SLC39A11: variants seen among roughly 807,000 people sequenced by gnomAD.
The protein encoded by SLC39A11 is zinc transporter ZIP11.
Under a neutral mutation model 36.1 loss-of-function variants are expected in SLC39A11, and 33 were observed. The observed-to-expected ratio is 0.91, with a 90% CI of 0.69 to 1.22. The LOEUF (loss-of-function observed/expected upper bound fraction) is 1.22. Among genes scored for constraint, SLC39A11 ranks in the 50% most tolerant of loss-of-function variants. SLC39A11 has a pLI of 0.00. For synonymous variants in SLC39A11, 166 were observed against 170.3 expected, an observed-to-expected ratio of 0.97 and a Z score of 0.20; for missense variants, 432 against 430.3, an observed-to-expected ratio of 1.00 and a Z score of -0.03.
At chr17:72,804,249 C>T (rs1169951767) in intron 6 of SLC39A11, among the ~76,000 whole-genome samples, 4 of 152,252 alleles carry the variant, frequency 2.6e-5, no homozygotes, top group East Asian at 1.9e-4. Context: ...TCCAAGTCCC[C>T]ATTTGAATGC....
intron 4 of SLC39A11, among the ~76,000 whole-genome samples, chr17:72,980,775 G>A (rs1317316427): frequency 6.6e-6 from 1 of 152,032 alleles, no homozygotes; most frequent in African/African-American, 2.4e-5. Context: ...CTGTAATCCC[G>A]ACACTTTGGG....
At chr17:72,863,895 C>T (rs1367865612) in intron 5 of SLC39A11, among the ~76,000 whole-genome samples, 1 of 152,228 alleles carries the variant, frequency 6.6e-6, no homozygotes, top group Non-Finnish European at 1.5e-5. Flanking sequence ...CCTTTCCATT[C>T]ACGTCACCAA....
intron 6 of SLC39A11, among the ~76,000 whole-genome samples, chr17:72,848,322 C>G (rs2079142527): frequency 6.6e-6 from 1 of 152,196 alleles, no homozygotes; most frequent in African/African-American, 2.4e-5. Context: ...ATATCTTTAT[C>G]ATTTCCTATG....
intron 3 of SLC39A11, among the ~76,000 whole-genome samples, chr17:73,066,625 A>C (rs1176247545): frequency 1.3e-5 from 2 of 152,208 alleles, no homozygotes; most frequent in Non-Finnish European, 2.9e-5. Flanking sequence ...TCCCCTGGCA[A>C]CATACATTAG....
chr17:73,052,305 G>C (rs146774359), intron 3 of SLC39A11, among the ~76,000 whole-genome samples: 114 of 151,722 alleles, frequency 7.5e-4, no homozygotes, highest in African/African-American at 2.6e-3. Flanking sequence ...ATAAAGACAG[G>C]ATGCTAGAGG....
At chr17:73,007,487 G>C (rs1420678947) in intron 4 of SLC39A11, among the ~76,000 whole-genome samples, 1 of 152,210 alleles carries the variant, frequency 6.6e-6, no homozygotes, top group Non-Finnish European at 1.5e-5. Flanking sequence ...ATGGACTAAT[G>C]ACAATGGCCA....
intron 7 of SLC39A11, among the ~76,000 whole-genome samples, chr17:72,734,709 T>G (rs2074352569): frequency 6.6e-6 from 1 of 152,218 alleles, no homozygotes. Context: ...GACATGATGA[T>G]GTCGCGGGGG....
At chr17:72,932,252 G>A (rs1259852271) in intron 5 of SLC39A11, among the ~76,000 whole-genome samples, 1 of 148,466 alleles carries the variant, frequency 6.7e-6, no homozygotes, top group Non-Finnish European at 1.5e-5. Context: ...TTTCTTTAGG[G>A]ATTTATCTTT....
At chr17:72,786,792 C>T (rs1178643088) in intron 6 of SLC39A11, among the ~76,000 whole-genome samples, 3 of 152,104 alleles carry the variant, frequency 2.0e-5, no homozygotes, top group Non-Finnish European at 4.4e-5. Context: ...TAGAGGCAGA[C>T]TCTAGGCAGA....
At chr17:72,783,514 T>G (rs997669700) in intron 6 of SLC39A11, among the ~76,000 whole-genome samples, 6 of 152,224 alleles carry the variant, frequency 3.9e-5, no homozygotes, top group Non-Finnish European at 7.3e-5. Flanking sequence ...TTGGAGCCTG[T>G]AGAACATTCA....
chr17:72,748,129 C>A (rs2075015644), intron 6 of SLC39A11, among the ~76,000 whole-genome samples: 1 of 152,144 alleles, frequency 6.6e-6, no homozygotes, highest in Non-Finnish European at 1.5e-5. Flanking sequence ...CAAGACTAGC[C>A]TGGCCAACAT....
chr17:73,025,669 C>T (rs981257249), intron 4 of SLC39A11, among the ~76,000 whole-genome samples: 1 of 152,020 alleles, frequency 6.6e-6, no homozygotes, highest in African/African-American at 2.4e-5. Context: ...AAAAGAAGAT[C>T]GAAATAGAGT....
At chr17:72,716,507 A>C (rs2073369566) in intron 7 of SLC39A11, among the ~76,000 whole-genome samples, 1 of 151,904 alleles carries the variant, frequency 6.6e-6, no homozygotes, top group Non-Finnish European at 1.5e-5. Flanking sequence ...GGCCACAGAA[A>C]AAGGGAGGGA....
chr17:72,792,289 C>T (rs1054571889), intron 6 of SLC39A11, among the ~76,000 whole-genome samples: 1 of 152,146 alleles, frequency 6.6e-6, no homozygotes, highest in Non-Finnish European at 1.5e-5. Flanking sequence ...TGAGGTGACC[C>T]TTAGTTCCCG....
Position 73,004,118 on chromosome 17 carries a change from GAA to G in SLC39A11, c.306+27436_306+27437del, listed in dbSNP as rs898610358. Reference sequence around the variant, plus strand: ...AGGAAGAAAGAAAGAGAGAGAGAGAGAAAGAAAGAAAGGAAAGAAAGGAAGAA... The same window carrying G: ...AGGAAGAAAGAAAGAGAGAGAGAGAGAGAAAGAAAGGAAAGAAAGGAAGAA... On this transcript the variant is annotated intron_variant, in intron 4 of 9. Transcript: ENST00000255559. 6.0e-4 allele frequency among the ~76,000 whole-genome samples: 85 copies of G among 141,894 alleles called. 1 individual carries two copies. Among genetic ancestry groups the G allele is most frequent in the South Asian group, 1.1e-3 (5 of 4,440 alleles). The allele number at this position is 141,894 out of a possible 152,430, so 93.1% of individuals were successfully genotyped here.
chr17:72,658,214 C>T (rs536433854), intron 7 of SLC39A11, among the ~76,000 whole-genome samples: 1 of 152,188 alleles, frequency 6.6e-6, no homozygotes, highest in African/African-American at 2.4e-5. Context: ...GGAGTGTAGG[C>T]GGGGGAAAGG....
chr17:73,076,479 T>C (rs1036487485), intron 3 of SLC39A11, among the ~76,000 whole-genome samples: 1 of 152,258 alleles, frequency 6.6e-6, no homozygotes, highest in African/African-American at 2.4e-5. Flanking sequence ...TGTATTGCAA[T>C]GTACGCACAA....
chr17:72,654,474 CAT>C (rs2070013340), intron 7 of SLC39A11, among the ~76,000 whole-genome samples: 1 of 152,158 alleles, frequency 6.6e-6, no homozygotes, highest in Non-Finnish European at 1.5e-5. Context: ...GAGTTGGAGA[CAT>C]GTGAATATAT....
intron 4 of SLC39A11, among the ~76,000 whole-genome samples, chr17:72,989,452 C>A (rs1043801161): frequency 1.3e-5 from 2 of 152,182 alleles, no homozygotes; most frequent in Non-Finnish European, 2.9e-5. Flanking sequence ...TATTCCATTA[C>A]GTCAAATCAT....
Sources: gnomAD v4.1 joint callset for allele counts (sites outside exome capture counted in the v4.1 genomes callset) on GRCh38, gnomAD v4.1.1 for gene constraint, MANE v1.5 for transcripts, NCBI Gene and HGNC (gene_info 2026-07-23, HGNC 2026-07-21) for gene names.